The following AIG1 variants were observed in gnomAD, a reference collection of about 807,000 sequenced individuals.
AIG1 encodes androgen-induced gene 1 protein.
Under a neutral mutation model 31.4 loss-of-function variants are expected in AIG1, and 23 were observed. The observed-to-expected ratio is 0.73, with a 90% CI of 0.53 to 1.04. The LOEUF is 1.04. AIG1 is among the 50% of genes least tolerant of loss of function. AIG1 has a pLI of 0.00. For missense variants in AIG1, 274 were observed against 295.0 expected, an observed-to-expected ratio of 0.93 and a Z score of 0.52; for synonymous variants, 100 against 110.5, an observed-to-expected ratio of 0.90 and a Z score of 0.60.
chr6:143,277,447 G>A (rs1472552215), intron 3 of AIG1, among the ~76,000 whole-genome samples: 1 of 152,174 alleles, frequency 6.6e-6, no homozygotes, highest in Non-Finnish European at 1.5e-5. Context: ...CAGGTGCACA[G>A]TAACACAAAG....
At chr6:143,116,466 C>T (rs1427056020) in intron 1 of AIG1, among the ~76,000 whole-genome samples, 1 of 151,756 alleles carries the variant, frequency 6.6e-6, no homozygotes, top group Non-Finnish European at 1.5e-5. Flanking sequence ...ATACAAAAAT[C>T]CCTGCCCTCA....
At chr6:143,095,928 G>A (rs1407277538) in intron 1 of AIG1, among the ~76,000 whole-genome samples, 5 of 106,958 alleles carry the variant, frequency 4.7e-5, no homozygotes, top group Non-Finnish European at 3.5e-5. Flanking sequence ...TTTTTTTTGA[G>A]ATGGAGTCTC....
chr6:143,249,734 G>C (rs1036446482), intron 3 of AIG1, among the ~76,000 whole-genome samples: 6 of 152,022 alleles, frequency 3.9e-5, no homozygotes, highest in African/African-American at 1.2e-4. Flanking sequence ...CTTCCTTCTT[G>C]TGTCTTTTGC....
intron 1 of AIG1, among the ~76,000 whole-genome samples, chr6:143,121,928 A>G (rs1351583101): frequency 6.6e-6 from 1 of 152,200 alleles, no homozygotes; most frequent in Non-Finnish European, 1.5e-5. Context: ...AATTTAATAT[A>G]CTTCCTGATT....
intron 1 of AIG1, among the ~76,000 whole-genome samples, chr6:143,125,760 A>G (rs1049550194): frequency 2.6e-5 from 4 of 152,212 alleles, no homozygotes; most frequent in Non-Finnish European, 5.9e-5. Flanking sequence ...ATATATTAAA[A>G]GCAATTATGT....
At chr6:143,198,424 G>A (rs1423982453) in intron 3 of AIG1, among the ~76,000 whole-genome samples, 1 of 152,168 alleles carries the variant, frequency 6.6e-6, no homozygotes, top group African/African-American at 2.4e-5. Context: ...TGCAGACAAC[G>A]TTTGATTATC....
intron 1 of AIG1, among the ~76,000 whole-genome samples, chr6:143,117,573 T>G (rs963450239): frequency 7.9e-5 from 12 of 152,156 alleles, no homozygotes; most frequent in African/African-American, 2.7e-4. Context: ...AGTTCAGATT[T>G]GCACCAGTTA....
At chr6:143,135,336 G>T (rs1256251326) in intron 1 of AIG1, among the ~76,000 whole-genome samples, 1 of 151,878 alleles carries the variant, frequency 6.6e-6, no homozygotes, top group Non-Finnish European at 1.5e-5. Context: ...TAAAGTCCTA[G>T]GATATGAAAA....
chr6:143,085,655 GT>G (rs962138957), intron 1 of AIG1, among the ~76,000 whole-genome samples: 4 of 152,308 alleles, frequency 2.6e-5, no homozygotes, highest in Non-Finnish European at 1.5e-5. Context: ...TTGAGATAGA[GT>G]TTTTTTGATT....
chr6:143,186,715 A>G lies in AIG1; in HGVS notation c.399+21532A>G, dbSNP rs76562211. 1.6e-4 allele frequency: 24 copies of G among 152,456 alleles called. No individual in the cohort carries two copies. The East Asian group carries it at 4.4e-3, about 28-fold the overall frequency. The allele number at this position is 152,456 out of a possible 1,614,324, so 9.4% of individuals were successfully genotyped here. The stretch of plus-strand genomic sequence containing the variant: ...TTCATTTCCTTAGGCTGCACTTCTA[A>G]TGAATGCAGACATTTGAAAGGGTCC... On this transcript the variant is annotated intron_variant, in intron 3 of 5. Transcript: ENST00000357847.
At chr6:143,101,271 T>C (rs1780254300) in intron 1 of AIG1, among the ~76,000 whole-genome samples, 2 of 151,994 alleles carry the variant, frequency 1.3e-5, no homozygotes, top group South Asian at 4.2e-4. Flanking sequence ...GAAAATATCC[T>C]GGAGTGCACA....
chr6:143,133,803 A>G (rs1056702412), intron 1 of AIG1, among the ~76,000 whole-genome samples: 2 of 152,004 alleles, frequency 1.3e-5, no homozygotes, highest in African/African-American at 2.4e-5. Flanking sequence ...TTTAACCAGA[A>G]CTTTCTTTCT....
chr6:143,158,548 T>A (rs1786019998), intron 2 of AIG1, among the ~76,000 whole-genome samples: 1 of 152,226 alleles, frequency 6.6e-6, no homozygotes, highest in Non-Finnish European at 1.5e-5. Context: ...CTGTTTGTCG[T>A]TCTCTTAATT....
intron 4 of AIG1, among the ~76,000 whole-genome samples, chr6:143,309,975 A>G (rs1480471841): frequency 2.0e-5 from 3 of 151,980 alleles, no homozygotes; most frequent in Non-Finnish European, 4.4e-5. Flanking sequence ...GCACATAACA[A>G]CAGAGCATAA....
intron 1 of AIG1, among the ~76,000 whole-genome samples, chr6:143,077,573 C>T (rs1777847466): frequency 6.6e-6 from 1 of 152,174 alleles, no homozygotes; most frequent in South Asian, 2.1e-4. Flanking sequence ...AGCCATTGTG[C>T]TCTTAAAGGC....
chr6:143,079,319 TTTTGCTGTCAGTG>T (rs1285872738), intron 1 of AIG1, among the ~76,000 whole-genome samples: 2 of 152,064 alleles, frequency 1.3e-5, no homozygotes, highest in African/African-American at 4.8e-5. Context: ...CTCCTGGAGT[TTTTGCTGTCAGTG>T]TTTGCTTCCC....
At position 143,297,904 on chromosome 6, in the gene AIG1, T is replaced by C. The variant is rs2128694453; in HGVS notation, c.515+13679T>C. Among the ~76,000 whole-genome samples the C allele has an allele frequency of 6.6e-6, 1 of 152,260 alleles. No homozygotes were observed. The highest frequency in any genetic ancestry group is 2.1e-4 in the South Asian group (1 of 4,828). On this transcript the variant is annotated intron_variant, in intron 4 of 5. Coordinates refer to ENST00000357847, the MANE Select transcript of AIG1 (RefSeq NM_016108.4). The surrounding 1 kb of genome is among the most constrained non-coding windows in gnomAD (Gnocchi z 5.1). ...AATGACGTATCCTTGGGCTGTGATA[T>C]TCTCACGCAACAGTAGAAAAACAAG...
At chr6:143,118,591 A>G (rs1781950488) in intron 1 of AIG1, among the ~76,000 whole-genome samples, 1 of 152,230 alleles carries the variant, frequency 6.6e-6, no homozygotes, top group Non-Finnish European at 1.5e-5. Flanking sequence ...TGCCTTTCAG[A>G]AAAATGTTTG....
chr6:143,223,456 A>C (rs1792687431), intron 3 of AIG1, among the ~76,000 whole-genome samples: 1 of 152,190 alleles, frequency 6.6e-6, no homozygotes, highest in African/African-American at 2.4e-5. Flanking sequence ...CTAGTAACTC[A>C]AGTTTTTGTT....
Sources: gnomAD v4.1 joint callset for allele counts (sites outside exome capture counted in the v4.1 genomes callset) on GRCh38, gnomAD v4.1.1 for gene constraint, Gnocchi (gnomAD v3.1) non-coding constraint, MANE v1.5 for transcripts, NCBI Gene and HGNC (gene_info 2026-07-23, HGNC 2026-07-21) for gene names.